The following JAZF1 variants were observed in gnomAD, a reference collection of about 807,000 sequenced individuals.
The protein encoded by JAZF1 is juxtaposed with another zinc finger protein 1.
Under a neutral mutation model 26.4 loss-of-function variants are expected in JAZF1, and 8 were observed. That is an observed-to-expected ratio of 0.30 (90% CI 0.18 to 0.55). The LOEUF (loss-of-function observed/expected upper bound fraction) is 0.55, where lower values mean the gene tolerates loss of function less well. Among genes scored for constraint, JAZF1 ranks in the 20% least tolerant of loss-of-function variants. The pLI is 0.94. For missense variants in JAZF1, 199 were observed against 322.0 expected, an observed-to-expected ratio of 0.62 and a Z score of 2.92; for synonymous variants, 126 against 122.3, an observed-to-expected ratio of 1.03 and a Z score of -0.20.
chr7:27,957,481 C>G (rs1488510003), intron 2 of JAZF1, among the ~76,000 whole-genome samples: 1 of 152,152 alleles, frequency 6.6e-6, no homozygotes, highest in Non-Finnish European at 1.5e-5. Context: ...TTGTACATTT[C>G]AAGAACACCA....
intron 2 of JAZF1, among the ~76,000 whole-genome samples, chr7:27,951,520 G>A (rs1225045040): frequency 2.6e-5 from 4 of 152,136 alleles, no homozygotes; most frequent in Non-Finnish European, 5.9e-5. Flanking sequence ...TTTCCTGGGC[G>A]ACCAGATTTG....
intron 3 of JAZF1, among the ~76,000 whole-genome samples, chr7:27,888,873 T>C (rs187842635): frequency 3.1e-4 from 47 of 152,294 alleles, no homozygotes; most frequent in Middle Eastern, 3.4e-3. Context: ...ATACAAATAT[T>C]TTCCAGGAGT....
intron 4 of JAZF1, among the ~76,000 whole-genome samples, chr7:27,833,452 A>G (rs1782748065): frequency 6.6e-6 from 1 of 152,234 alleles, no homozygotes; most frequent in Non-Finnish European, 1.5e-5. Flanking sequence ...GCTTGCTTCT[A>G]GATAACTGTG....
rs377539607 is a variant in JAZF1 at position 28,130,730 on chromosome 7, G to A, written c.115+49733C>T. Among the ~76,000 whole-genome samples, 21 of 152,342 alleles carry A rather than the reference G, an allele frequency of 1.4e-4. 1 individual carries two copies. In the South Asian group the frequency reaches 4.4e-3, roughly 32 times the overall value. On this transcript the variant is annotated intron_variant, in intron 1 of 4. Coordinates refer to ENST00000283928, the MANE Select transcript of JAZF1 (RefSeq NM_175061.4). Reference sequence around the variant, plus strand: ...GTAGACTGTCGAGTGGTACTCCAATGTGATCAGGAGTCTAATTGGTATTTC... The same window carrying A: ...GTAGACTGTCGAGTGGTACTCCAATATGATCAGGAGTCTAATTGGTATTTC...
At chr7:28,056,218 C>G (rs10243394) in intron 1 of JAZF1, among the ~76,000 whole-genome samples, 1 of 151,096 alleles carries the variant, frequency 6.6e-6, no homozygotes, top group South Asian at 2.1e-4. Context: ...ACCTGGAGCA[C>G]GCAATAAACT....
rs138373967 is a variant in JAZF1, at chr7:27,970,945, T to C, written c.188+20964A>G. 7.9e-5 allele frequency among the ~76,000 whole-genome samples: 12 copies of C among 152,296 alleles called. No homozygotes were observed. The East Asian group carries it at 2.3e-3, about 29-fold the overall frequency. ...AACCTCCCTTGGGCATCCATTTCTT[T>C]AGGTGTTAAAGAGAGCTAAGAGCTA... is the stretch of plus-strand genomic sequence containing the variant. On this transcript the variant is annotated intron_variant, in intron 2 of 4. Coordinates refer to ENST00000283928, the MANE Select transcript of JAZF1 (RefSeq NM_175061.4).
chr7:28,072,007 G>T (rs1783985410), intron 1 of JAZF1, among the ~76,000 whole-genome samples: 1 of 152,248 alleles, frequency 6.6e-6, no homozygotes. Flanking sequence ...ATCGTAGTAT[G>T]AAGTCTGGGA....
rs147769850 is a variant in JAZF1 at position 28,160,248 on chromosome 7, C to G, written c.115+20215G>C. 2.6e-5 allele frequency among the ~76,000 whole-genome samples: 4 copies of G among 152,270 alleles called. No homozygotes were observed. The East Asian group carries it at 7.7e-4, about 29-fold the overall frequency. On this transcript the variant is annotated intron_variant, in intron 1 of 4. Transcript: ENST00000283928. Reference sequence around the variant, plus strand: ...ACATAGTGAAAAAAGAGTTGAGAAACGTGAATTTGCATAAACACCCCAAAT... The same window carrying G: ...ACATAGTGAAAAAAGAGTTGAGAAAGGTGAATTTGCATAAACACCCCAAAT...
chr7:28,165,252 A>G (rs1452675466), intron 1 of JAZF1, among the ~76,000 whole-genome samples: 1 of 152,234 alleles, frequency 6.6e-6, no homozygotes, highest in Non-Finnish European at 1.5e-5. Context: ...AATAAATTAC[A>G]TTAGTCAAGT....
chr7:27,987,083 T>A (rs950263658), intron 2 of JAZF1, among the ~76,000 whole-genome samples: 6 of 152,058 alleles, frequency 3.9e-5, no homozygotes, highest in Non-Finnish European at 5.9e-5. Flanking sequence ...CCACCCCATC[T>A]GGGAAGTGAG....
chr7:27,901,427 G>C (rs1459018957), intron 2 of JAZF1, among the ~76,000 whole-genome samples: 1 of 152,168 alleles, frequency 6.6e-6, no homozygotes, highest in Non-Finnish European at 1.5e-5. Context: ...CTGGTCCAGG[G>C]AGACTAGTTT....
In JAZF1 at chr7:27,903,410, G is replaced by C. The variant is rs779921445; in HGVS notation, c.189-7994C>G. On this transcript the variant is annotated intron_variant, in intron 2 of 4. Coordinates refer to ENST00000283928, the MANE Select transcript of JAZF1 (RefSeq NM_175061.4). ...GGGTTTTACCATGTTGCCCAGGCTA[G>C]TTTTGAACTCCTGGGATCAAGCAAT... Among the ~76,000 whole-genome samples the C allele has an allele frequency of 1.3e-4, 20 of 152,116 alleles. 1 individual carries two copies. The highest frequency in any genetic ancestry group is 2.6e-4 in the Non-Finnish European group (18 of 68,018).
chr7:27,984,443 A>T (rs1011475048), intron 2 of JAZF1, among the ~76,000 whole-genome samples: 5 of 152,222 alleles, frequency 3.3e-5, no homozygotes, highest in Non-Finnish European at 7.3e-5. Flanking sequence ...GGATCACCAG[A>T]TTCATAAAGC....
intron 2 of JAZF1, among the ~76,000 whole-genome samples, chr7:27,987,206 T>C (rs1785739479): frequency 6.6e-6 from 1 of 151,076 alleles, no homozygotes; most frequent in Admixed American, 6.6e-5. Flanking sequence ...ATCTAGGAGG[T>C]GAGGAGCGTC....
At chr7:28,056,584 A>C (rs1313596440) in intron 1 of JAZF1, among the ~76,000 whole-genome samples, 1 of 152,176 alleles carries the variant, frequency 6.6e-6, no homozygotes, top group East Asian at 1.9e-4. Context: ...AATCACATCC[A>C]CCATGTCACA....
rs1782718347 is a variant in JAZF1 at position 27,832,220 on chromosome 7, C to T, written c.*580G>A. 9.4e-6 allele frequency: 2 copies of T among 211,860 alleles called. No homozygotes were observed. Among genetic ancestry groups the T allele is most frequent in the South Asian group, 1.9e-4 (1 of 5,320 alleles). The allele number at this position is 211,860 out of a possible 1,614,324, so 13.1% of individuals were successfully genotyped here. A position where few individuals can be genotyped will look rare whatever the true frequency, so the allele number is the denominator to read the frequency against. Reference sequence around the variant, plus strand: ...ATAATATAAAACACAGAAAGCACACCTTTACGTATGTTATTTAAATATGAA... The same window carrying T: ...ATAATATAAAACACAGAAAGCACACTTTTACGTATGTTATTTAAATATGAA... On this transcript the variant is annotated 3_prime_UTR_variant, in exon 5 of 5. Transcript: ENST00000283928.
intron 1 of JAZF1, among the ~76,000 whole-genome samples, chr7:27,999,971 C>T (rs38522): frequency 0.3 from 44,930 of 151,990 alleles, 6,957 homozygotes; most frequent in Middle Eastern, 0.41. Context: ...AGAGGGCAGA[C>T]AGGGCTAATC....
chr7:27,910,595 G>A (rs773495111), intron 2 of JAZF1, among the ~76,000 whole-genome samples: 2 of 152,152 alleles, frequency 1.3e-5, no homozygotes, highest in African/African-American at 2.4e-5. Context: ...AGAGAGTACA[G>A]GCCCCTATTT....
chr7:27,875,312 T>G (rs892757939), intron 3 of JAZF1, among the ~76,000 whole-genome samples: 2 of 152,168 alleles, frequency 1.3e-5, no homozygotes, highest in African/African-American at 4.8e-5. Flanking sequence ...TTACATCACT[T>G]TCCTCTTTCC....
Sources: allele counts gnomAD v4.1 joint callset (sites outside exome capture counted in the v4.1 genomes callset), GRCh38; gene constraint gnomAD v4.1.1; transcripts MANE v1.5; gene names NCBI Gene and HGNC (gene_info 2026-07-23, HGNC 2026-07-21).